DENND5B: variants seen among roughly 807,000 people sequenced by gnomAD.
DENND5B encodes DENN domain-containing protein 5B.
DENND5B carries 34 observed loss-of-function variants against 140.6 expected under a neutral mutation model. The ratio of observed to expected loss-of-function variants is 0.24; its 90% CI spans 0.18 to 0.32. The LOEUF is 0.32. Among genes scored for constraint, DENND5B ranks in the 10% least tolerant of loss-of-function variants. The pLI is 1.00. For missense variants in DENND5B, 1,142 were observed against 1,560.2 expected, an observed-to-expected ratio of 0.73 and a Z score of 4.52; for synonymous variants, 551 against 562.1, an observed-to-expected ratio of 0.98 and a Z score of 0.28.
chr12:31,451,227 A>T (rs996745462), intron 5 of DENND5B, among the ~76,000 whole-genome samples: 1 of 152,218 alleles, frequency 6.6e-6, no homozygotes, highest in Non-Finnish European at 1.5e-5. Context: ...ACCATACTTG[A>T]TCATAAAGTA....
At chr12:31,520,676 G>A (rs751644957) in intron 1 of DENND5B, among the ~76,000 whole-genome samples, 17 of 152,056 alleles carry the variant, frequency 1.1e-4, no homozygotes, top group Non-Finnish European at 2.4e-4. Context: ...GACTAGCTGG[G>A]ACTACAGGTG....
intron 1 of DENND5B, among the ~76,000 whole-genome samples, chr12:31,572,877 C>G (rs1310121977): frequency 2.0e-5 from 3 of 152,074 alleles, no homozygotes; most frequent in Non-Finnish European, 4.4e-5. Flanking sequence ...TTTTAGAAAA[C>G]ATAATTAAAT....
intron 1 of DENND5B, among the ~76,000 whole-genome samples, chr12:31,570,426 C>T (rs1332143094): frequency 6.6e-6 from 1 of 151,040 alleles, no homozygotes; most frequent in Non-Finnish European, 1.5e-5. Flanking sequence ...CTACAGGCGC[C>T]CGCCACCACA....
Position 31,511,537 on chromosome 12 carries a change from C to CT in DENND5B, c.128-15619dup, listed in dbSNP as rs59147620. Among the ~76,000 whole-genome samples, 720 of 114,970 alleles carry CT rather than the reference C, an allele frequency of 6.3e-3. 8 individuals are homozygous for CT. Among genetic ancestry groups the CT allele is most frequent in the African/African-American group, 0.019 (611 of 32,084 alleles). 75.4% of individuals were successfully genotyped at this position (114,970 alleles called of 152,430 possible). ...TCTTAATAATACGTGAATATGATGT[C>CT]TTTTTTTTTTTTTTTAACAGAGATA... On this transcript the variant is annotated intron_variant, in intron 1 of 20. Coordinates refer to ENST00000389082, the MANE Select transcript of DENND5B (RefSeq NM_144973.4).
Position 31,428,966 on chromosome 12 carries a change from C to T in DENND5B, c.2107-2542G>A, listed in dbSNP as rs541412104. ...CAGGATGGTCTCAATCTCCTGACCT[C>T]GTGATCCACCCGCCTCGGCCTCCCA... On this transcript the variant is annotated intron_variant, in intron 8 of 20. Transcript: ENST00000389082. Among the ~76,000 whole-genome samples the T allele has an allele frequency of 6.9e-3, 1,042 of 152,046 alleles. 13 individuals are homozygous for T. The highest frequency in any genetic ancestry group is 0.024 in the African/African-American group (998 of 41,482).
At chr12:31,571,559 A>G (rs560971782) in intron 1 of DENND5B, among the ~76,000 whole-genome samples, 2 of 152,120 alleles carry the variant, frequency 1.3e-5, no homozygotes, top group African/African-American at 2.4e-5. Context: ...CCTGAATTAG[A>G]AAACTCCATT....
chr12:31,441,426 A>G (rs577102710), intron 7 of DENND5B, among the ~76,000 whole-genome samples: 5 of 151,258 alleles, frequency 3.3e-5, no homozygotes, highest in African/African-American at 1.2e-4. Context: ...GGCTCAAGTG[A>G]TCCTTCCTGC....
Position 31,402,628 on chromosome 12 carries a change from G to T in DENND5B, c.2819C>A (p.Ser940Ter). 1 of 1,606,538 alleles carries T rather than the reference G, an allele frequency of 6.2e-7. No individual in the cohort carries two copies. The highest frequency in any genetic ancestry group is 8.5e-7 in the Non-Finnish European group (1 of 1,177,268). Residue 940 changes from serine to a stop codon, truncating the protein, a stop_gained, in exon 15 of 21, where the codon TCA (serine) becomes TAA (stop). Transcript: ENST00000389082. LOFTEE classifies it high-confidence loss of function. ...VFTTIMIPYR[S>*]VIIPIKKLSN... ...CAGCTTTTTGATTGGGATGATCACT[G>T]ACCTATACGGAATCACTGAAAGAAA...
At chr12:31,543,071 T>C (rs1376943316) in intron 1 of DENND5B, among the ~76,000 whole-genome samples, 1 of 152,150 alleles carries the variant, frequency 6.6e-6, no homozygotes, top group Non-Finnish European at 1.5e-5. Context: ...TGGTAGCCCA[T>C]GCCTGTAGTC....
chr12:31,452,015 T>C lies in DENND5B; in HGVS notation c.1554A>G (p.Glu518=), dbSNP rs369318650. 1 of 1,613,730 alleles carries C rather than the reference T, an allele frequency of 6.2e-7. No individual in the cohort carries two copies. Among genetic ancestry groups the C allele is most frequent in the African/African-American group, 1.3e-5 (1 of 75,036 alleles). ...NRFTQMFADY[E]AFVIQTAQDM... ...CCTGGGCAGTCTGAATGACAAATGC[T>C]TCGTAATCTGCAAACATCTGTGTAA... Residue 518 remains glutamate, a synonymous_variant, in exon 5 of 21, where the codon GAA becomes GAG. Coordinates refer to ENST00000389082, the MANE Select transcript of DENND5B (RefSeq NM_144973.4).
Position 31,413,443 on chromosome 12 carries a change from G to C in DENND5B, c.2674C>G (p.Leu892Val). 1 of 1,612,936 alleles carries C rather than the reference G, an allele frequency of 6.2e-7. No homozygotes were observed. The highest frequency in any genetic ancestry group is 8.5e-7 in the Non-Finnish European group (1 of 1,179,330). ...HLKQLLSNQPLTKKLYKRYAF... is the reference protein window; with the variant it reads ...HLKQLLSNQPVTKKLYKRYAF... ...TCAAAGATGGTATCTTACTTGGTGA[G>C]TGGTTGGTTAGAAAGCAACTGCTTA... Residue 892 changes from leucine (L) to valine (V), a missense_variant, in exon 13 of 21, where the codon CTC (leucine) becomes GTC (valine). Around this residue, in one of 5 missense-constraint regions of DENND5B, gnomAD observed 268 missense variants for 349.2 expected, o/e 0.77. Coordinates refer to ENST00000389082, the MANE Select transcript of DENND5B (RefSeq NM_144973.4).
intron 4 of DENND5B, among the ~76,000 whole-genome samples, chr12:31,453,064 T>C (rs1338992059): frequency 2.0e-5 from 3 of 152,154 alleles, no homozygotes; most frequent in Non-Finnish European, 4.4e-5. Context: ...CTGTAGTATC[T>C]CCCAATAGGA....
chr12:31,499,360 T>C (rs1946915514), intron 1 of DENND5B, among the ~76,000 whole-genome samples: 1 of 152,240 alleles, frequency 6.6e-6, no homozygotes, highest in Non-Finnish European at 1.5e-5. Context: ...CAATTAATCC[T>C]TTCCTCCTAA....
chr12:31,442,709 A>G, intron 7 of DENND5B, 66 bp downstream of exon 7: 3 of 1,525,948 alleles, frequency 2.0e-6, no homozygotes, highest in Non-Finnish European at 1.8e-6. Context: ...TGTCCATTTG[A>G]GTTGCAGAGC....
At chr12:31,483,798 T>C (rs959077647) in intron 2 of DENND5B, among the ~76,000 whole-genome samples, 1 of 152,102 alleles carries the variant, frequency 6.6e-6, no homozygotes, top group African/African-American at 2.4e-5. Flanking sequence ...TTACTTGCTG[T>C]TTATTTTAGA....
chr12:31,421,555 A>G (rs561141002), intron 11 of DENND5B, among the ~76,000 whole-genome samples: 3 of 151,724 alleles, frequency 2.0e-5, no homozygotes, highest in South Asian at 4.2e-4. Context: ...TCCTATAAAT[A>G]TACATCTTTT....
intron 1 of DENND5B, among the ~76,000 whole-genome samples, chr12:31,503,622 T>C (rs547788474): frequency 6.6e-6 from 1 of 152,340 alleles, no homozygotes; most frequent in South Asian, 2.1e-4. Context: ...ATCCATTAAC[T>C]GGTCTAACAA....
chr12:31,480,207 C>T lies in DENND5B; in HGVS notation c.286G>A (p.Asp96Asn). The T allele has an allele frequency of 1.9e-6, 3 of 1,598,864 alleles. No individual in the cohort carries two copies. Among genetic ancestry groups the T allele is most frequent in the Non-Finnish European group, 2.6e-6 (3 of 1,173,068 alleles). ...ATTATAAATGAGTGAAACTGGGGGT[C>T]TTTATTGTCCGTTTGTGTCCTGAAA... ...LSFRTQTDNK[D>N]PQFHSFIITR... is the part of the protein sequence containing the mutation. Residue 96 changes from aspartate to asparagine, a missense_variant, in exon 3 of 21, where the codon GAC becomes AAC. By Grantham distance (23) the Asp-to-Asn change is conservative. Around this residue, in one of 5 missense-constraint regions of DENND5B, gnomAD observed 708 missense variants for 905.5 expected, o/e 0.78. Transcript: ENST00000389082.
intron 2 of DENND5B, among the ~76,000 whole-genome samples, chr12:31,483,516 C>T (rs1362142934): frequency 6.6e-6 from 1 of 152,000 alleles, no homozygotes; most frequent in East Asian, 1.9e-4. Context: ...TCTCGGCTCC[C>T]TGCAACCTCT....
Sources: gnomAD v4.1 joint callset for allele counts (sites outside exome capture counted in the v4.1 genomes callset) on GRCh38, gnomAD v4.1.1 for gene constraint, gnomAD v4.1.1 regional missense constraint, MANE v1.5 for transcripts, NCBI Gene and HGNC (gene_info 2026-07-23, HGNC 2026-07-21) for gene names.